The following PRKD3 variants were observed in gnomAD, a reference collection of about 807,000 sequenced individuals.
PRKD3 encodes the protein serine/threonine-protein kinase D3.
In PRKD3, 47 loss-of-function variants were observed where a neutral mutation model predicts 99.2. The ratio of observed to expected loss-of-function variants is 0.47; its 90% CI spans 0.38 to 0.60. PRKD3 has a LOEUF of 0.60. Among genes scored for constraint, PRKD3 ranks in the 20% least tolerant of loss-of-function variants. The pLI is 0.00. For synonymous variants in PRKD3, 392 were observed against 355.4 expected, an observed-to-expected ratio of 1.10 and a Z score of -1.16; for missense variants, 1,019 against 1,088.4, an observed-to-expected ratio of 0.94 and a Z score of 0.90.
chr2:37,251,456 T>TG lies in PRKD3; in HGVS notation c.*1720dup, dbSNP rs1169678262. ...TGAAGCTCATAATGACTTAACACTA[T>TG]GGCTGCTGTGAGGGTAAACTAAAAC... On this transcript the variant is annotated 3_prime_UTR_variant, in exon 19 of 19. Coordinates refer to ENST00000234179, the MANE Select transcript of PRKD3 (RefSeq NM_005813.6). 1 of 152,578 alleles carries TG rather than the reference T, an allele frequency of 6.6e-6. No homozygotes were observed. The highest frequency in any genetic ancestry group is 1.5e-5 in the Non-Finnish European group (1 of 68,024). 9.5% of individuals were successfully genotyped at this position (152,578 alleles called of 1,614,324 possible).
At chr2:37,263,150 TCTTG>T (rs1303711120) in intron 14 of PRKD3, among the ~76,000 whole-genome samples, 4 of 152,196 alleles carry the variant, frequency 2.6e-5, no homozygotes, top group Non-Finnish European at 4.4e-5. Flanking sequence ...TTTCATTCTT[TCTTG>T]CTTAATATTT....
At chr2:37,263,892 T>C (rs1668646654) in intron 14 of PRKD3, among the ~76,000 whole-genome samples, 1 of 152,146 alleles carries the variant, frequency 6.6e-6, no homozygotes, top group East Asian at 1.9e-4. Context: ...AGCTTTGGGG[T>C]AGCTTCCAAG....
At chr2:37,286,504 C>A in intron 5 of PRKD3, 135 bp from the exon 6 acceptor site, 1 of 674,264 alleles carries the variant, frequency 1.5e-6, no homozygotes, top group Non-Finnish European at 2.4e-6. Flanking sequence ...TCAGCAGTTT[C>A]CTTTGCAATG....
intron 2 of PRKD3, among the ~76,000 whole-genome samples, chr2:37,295,091 A>T (rs1035564618): frequency 4.6e-5 from 7 of 152,134 alleles, no homozygotes; most frequent in African/African-American, 1.7e-4. Context: ...ACAAACAAAC[A>T]AACTCACTCA....
In PRKD3 at chr2:37,254,257, T is replaced by G; in HGVS notation, c.2446A>C (p.Lys816Gln). 6.2e-7 allele frequency: 1 copy of G among 1,613,494 alleles called. No individual in the cohort carries two copies. Among genetic ancestry groups the G allele is most frequent in the African/African-American group, 1.3e-5 (1 of 75,024 alleles). ...TCAACACTGTAACGTTTTCTCATCTTCACTTGAAGCAGATTGTTTATCAGA... is the reference window on the plus strand; with the variant it reads ...TCAACACTGTAACGTTTTCTCATCTGCACTTGAAGCAGATTGTTTATCAGA... ...IDLINNLLQV[K>Q]MRKRYSVDKS... Residue 816 changes from lysine (K) to glutamine (Q), a missense_variant, in exon 18 of 19, where the codon AAG becomes CAG. Physicochemically the swap from Lys to Gln is moderately conservative, Grantham distance 53. Coordinates refer to ENST00000234179, the MANE Select transcript of PRKD3 (RefSeq NM_005813.6).
intron 2 of PRKD3, 75 bp from the exon 3 acceptor site, chr2:37,293,346 A>G: frequency 7.3e-7 from 1 of 1,362,126 alleles, no homozygotes; most frequent in Non-Finnish European, 9.8e-7. Flanking sequence ...ATTTTATCAA[A>G]GAATTTAAAA....
intron 2 of PRKD3, among the ~76,000 whole-genome samples, chr2:37,299,326 A>C (rs1203552471): frequency 6.6e-6 from 1 of 152,138 alleles, no homozygotes; most frequent in African/African-American, 2.4e-5. Context: ...TCCTTGAGTA[A>C]GACCTGAAAA....
At chr2:37,281,112 G>A (rs1047920037) in intron 7 of PRKD3, among the ~76,000 whole-genome samples, 9 of 152,084 alleles carry the variant, frequency 5.9e-5, no homozygotes, top group African/African-American at 2.2e-4. Flanking sequence ...AATAACAAGT[G>A]GTGGTAGGGA....
intron 2 of PRKD3, 37 bp from the exon 3 acceptor site, chr2:37,293,308 T>A (rs1435777193): frequency 6.8e-7 from 1 of 1,480,730 alleles, no homozygotes; most frequent in African/African-American, 1.4e-5. Flanking sequence ...ATGACCACAG[T>A]TTTCTATTTT....
intron 2 of PRKD3, among the ~76,000 whole-genome samples, chr2:37,297,137 A>G (rs1466546238): frequency 1.3e-5 from 2 of 152,098 alleles, no homozygotes; most frequent in African/African-American, 4.8e-5. Context: ...GTTTTCACGC[A>G]GGAGTGGATC....
chr2:37,273,379 TG>T (rs747127861), intron 11 of PRKD3, among the ~76,000 whole-genome samples: 5 of 152,152 alleles, frequency 3.3e-5, no homozygotes, highest in African/African-American at 4.8e-5. Flanking sequence ...TGTACACAGT[TG>T]TCATGATCCT....
chr2:37,253,403 A>T lies in PRKD3; in HGVS notation c.2500-53T>A, dbSNP rs1210064310. On this transcript the variant is annotated intron_variant, in intron 18 of 18. Transcript: ENST00000234179. ...AAACAAAAGAAACAAAATACTGTCA[A>T]CCTGGTTTTTGTTTTGTGTTTTTTT... The T allele has an allele frequency of 2.7e-6, 4 of 1,485,952 alleles. No individual in the cohort carries two copies. In the African/African-American group the frequency reaches 4.3e-5, roughly 16 times the overall value. The allele number at this position is 1,485,952 out of a possible 1,614,324, so 92.0% of individuals were successfully genotyped here. A position where few individuals can be genotyped will look rare whatever the true frequency, so the allele number is the denominator to read the frequency against.
chr2:37,297,801 A>G (rs1670738780), intron 2 of PRKD3, among the ~76,000 whole-genome samples: 2 of 152,188 alleles, frequency 1.3e-5, no homozygotes, highest in South Asian at 2.1e-4. Context: ...ATTGCACTCT[A>G]CCAAGGGCAC....
intron 2 of PRKD3, among the ~76,000 whole-genome samples, chr2:37,301,168 C>T (rs57361399): frequency 0.3 from 46,346 of 151,960 alleles, 7,887 homozygotes; most frequent in East Asian, 0.55. Flanking sequence ...TCAGAATGAT[C>T]TTCATTATGT....
intron 2 of PRKD3, among the ~76,000 whole-genome samples, chr2:37,295,215 A>G (rs766357489): frequency 6.6e-6 from 1 of 152,228 alleles, no homozygotes; most frequent in Non-Finnish European, 1.5e-5. Flanking sequence ...CTTATCTTCC[A>G]GGAACTTACA....
At position 37,269,647 on chromosome 2, in the gene PRKD3, A is replaced by G. The variant is rs778574448; in HGVS notation, c.1745T>C (p.Leu582Pro). 7 of 1,613,178 alleles carry G rather than the reference A, an allele frequency of 4.3e-6. No individual in the cohort carries two copies. The highest frequency in any genetic ancestry group is 5.9e-6 in the Non-Finnish European group (7 of 1,179,260). Residue 582 changes from leucine to proline, a missense_variant, in exon 13 of 19, where the codon CTT becomes CCT. Leu to Pro is a moderately conservative substitution (Grantham distance 98). Transcript: ENST00000234179. ...TVYQIFADEV[L>P]GSGQFGIVYG... ...AACGATGCCAAACTGGCCTGAACCA[A>G]GCACCTCATCTGCAAAGATCTGGTA... is the stretch of plus-strand genomic sequence containing the variant.
In PRKD3 at chr2:37,316,612, G is replaced by A; in HGVS notation, c.-88C>T. 6.6e-7 allele frequency: 1 copy of A among 1,515,702 alleles called. No individual in the cohort carries two copies. Among genetic ancestry groups the A allele is most frequent in the South Asian group, 1.4e-5 (1 of 73,690 alleles). 93.9% of individuals were successfully genotyped at this position (1,515,702 alleles called of 1,614,324 possible). A position where few individuals can be genotyped will look rare whatever the true frequency, so the allele number is the denominator to read the frequency against. On this transcript the variant is annotated 5_prime_UTR_variant, in exon 2 of 19. Transcript: ENST00000234179. ...TTAAAATAACAGCAGTAAAGAAAAT[G>A]ACCGCACTTTTGGATTTAGTTGAAA...
intron 6 of PRKD3, among the ~76,000 whole-genome samples, chr2:37,285,406 T>C (rs1670042582): frequency 6.6e-6 from 1 of 152,208 alleles, no homozygotes; most frequent in Non-Finnish European, 1.5e-5. Flanking sequence ...GCTGGGTTAG[T>C]ATCCAAATAC....
At chr2:37,302,856 G>C (rs1435081175) in intron 2 of PRKD3, among the ~76,000 whole-genome samples, 1 of 152,080 alleles carries the variant, frequency 6.6e-6, no homozygotes, top group African/African-American at 2.4e-5. Context: ...ATACTAGGCA[G>C]ACAGGGGTGG....
Sources: gnomAD v4.1 joint callset for allele counts (sites outside exome capture counted in the v4.1 genomes callset) on GRCh38, gnomAD v4.1.1 for gene constraint, MANE v1.5 for transcripts, NCBI Gene and HGNC (gene_info 2026-07-23, HGNC 2026-07-21) for gene names.